Variants in ARHGAP28 observed in about 807,000 individuals in gnomAD.
ARHGAP28 encodes Rho GTPase activating protein 28, also known as rho GTPase-activating protein 28.
ARHGAP28 carries 56 observed loss-of-function variants against 90.7 expected under a neutral mutation model. The observed-to-expected ratio is 0.62, with a 90% CI of 0.50 to 0.77. ARHGAP28 has a LOEUF of 0.77. Ranked by LOEUF, ARHGAP28 falls within the 30% of genes least tolerant of loss-of-function variation. The pLI, the probability that ARHGAP28 is intolerant of heterozygous loss-of-function variation, is 0.00. For synonymous variants in ARHGAP28, 308 were observed against 323.3 expected, an observed-to-expected ratio of 0.95 and a Z score of 0.51; for missense variants, 869 against 900.9, an observed-to-expected ratio of 0.96 and a Z score of 0.45.
chr18:6,821,694 G>A (rs1361532459), intron 1 of ARHGAP28, among the ~76,000 whole-genome samples: 1 of 152,158 alleles, frequency 6.6e-6, no homozygotes, highest in East Asian at 1.9e-4. Flanking sequence ...TGTGATTAAA[G>A]GATTCTTTGG....
intron 5 of ARHGAP28, among the ~76,000 whole-genome samples, chr18:6,863,300 T>C (rs896914389): frequency 1.3e-5 from 2 of 152,018 alleles, no homozygotes; most frequent in Non-Finnish European, 2.9e-5. Context: ...GTTTAAATTA[T>C]ATCAAATGAT....
chr18:6,904,418 T>C (rs1326158615), intron 16 of ARHGAP28, among the ~76,000 whole-genome samples: 4 of 151,926 alleles, frequency 2.6e-5, no homozygotes, highest in Non-Finnish European at 5.9e-5. Flanking sequence ...AAATAAAATT[T>C]AAAAAATAAA....
At chr18:6,867,668 CTG>C (rs1461915211) in intron 5 of ARHGAP28, among the ~76,000 whole-genome samples, 4 of 152,072 alleles carry the variant, frequency 2.6e-5, no homozygotes, top group African/African-American at 9.7e-5. Flanking sequence ...TACTATCACT[CTG>C]TGTTTTGCTG....
At chr18:6,731,496 C>T (rs773300892) in intron 1 of ARHGAP28, among the ~76,000 whole-genome samples, 33 of 152,240 alleles carry the variant, frequency 2.2e-4, no homozygotes, top group Non-Finnish European at 2.4e-4. Context: ...AGCATGTGGT[C>T]TTGTGGAATG....
intron 3 of ARHGAP28, among the ~76,000 whole-genome samples, chr18:6,845,203 C>CT (rs2056857074): frequency 6.6e-6 from 1 of 152,132 alleles, no homozygotes; most frequent in African/African-American, 2.4e-5. Flanking sequence ...CTCAGCCACC[C>CT]TGGTAGCTGG....
At chr18:6,738,943 G>C (rs1456858496) in intron 1 of ARHGAP28, among the ~76,000 whole-genome samples, 2 of 152,166 alleles carry the variant, frequency 1.3e-5, no homozygotes, top group African/African-American at 4.8e-5. Context: ...CTGTGGTCCT[G>C]CGATGTTGAT....
At chr18:6,772,936 T>C (rs1347386947) in intron 1 of ARHGAP28, among the ~76,000 whole-genome samples, 1 of 152,078 alleles carries the variant, frequency 6.6e-6, no homozygotes, top group African/African-American at 2.4e-5. Flanking sequence ...AGATGGGTTT[T>C]CACCATGTTG....
At chr18:6,742,228 G>A (rs1424963117) in intron 1 of ARHGAP28, among the ~76,000 whole-genome samples, 5 of 148,708 alleles carry the variant, frequency 3.4e-5, no homozygotes, top group Non-Finnish European at 7.4e-5. Context: ...GTTCAGTGGT[G>A]TGATCTTGGC....
chr18:6,886,179 TCAC>T (rs1201052629), intron 11 of ARHGAP28, among the ~76,000 whole-genome samples: 1 of 152,128 alleles, frequency 6.6e-6, no homozygotes, highest in Non-Finnish European at 1.5e-5. Context: ...TCAGTTAACT[TCAC>T]CAGCAGCTGA....
chr18:6,865,216 G>T (rs925023289), intron 5 of ARHGAP28, among the ~76,000 whole-genome samples: 1 of 152,096 alleles, frequency 6.6e-6, no homozygotes, highest in Non-Finnish European at 1.5e-5. Context: ...TATTCTCATG[G>T]ATATTTGGTA....
chr18:6,768,317 T>C (rs2056215912), intron 1 of ARHGAP28, among the ~76,000 whole-genome samples: 1 of 152,212 alleles, frequency 6.6e-6, no homozygotes, highest in South Asian at 2.1e-4. Flanking sequence ...TTTGCATATA[T>C]GTAGTTTTTT....
chr18:6,771,118 C>A (rs2056239490), intron 1 of ARHGAP28, among the ~76,000 whole-genome samples: 1 of 152,022 alleles, frequency 6.6e-6, no homozygotes. Context: ...CTCACTGCAG[C>A]CTTGTTCTCC....
At chr18:6,883,727 T>C (rs1400741580) in intron 11 of ARHGAP28, among the ~76,000 whole-genome samples, 4 of 152,166 alleles carry the variant, frequency 2.6e-5, no homozygotes, top group African/African-American at 9.7e-5. Context: ...TCTTTGAATG[T>C]TTTAACTAAA....
At chr18:6,841,543 A>G (rs575430252) in intron 3 of ARHGAP28, among the ~76,000 whole-genome samples, 14 of 151,914 alleles carry the variant, frequency 9.2e-5, no homozygotes, top group Admixed American at 8.5e-4. Flanking sequence ...TTATCTATAA[A>G]TTCAGTAATT....
intron 16 of ARHGAP28, among the ~76,000 whole-genome samples, chr18:6,902,548 A>G (rs8088590): frequency 0.015 from 2,318 of 152,322 alleles, 52 homozygotes; most frequent in African/African-American, 0.054. Flanking sequence ...AATGAAATCT[A>G]TGCATACATC....
chr18:6,739,055 T>C (rs2055952780), intron 1 of ARHGAP28, among the ~76,000 whole-genome samples: 2 of 152,202 alleles, frequency 1.3e-5, no homozygotes, highest in South Asian at 4.1e-4. Flanking sequence ...TAAAACTGTT[T>C]TGTGACACAG....
At chr18:6,887,903 T>C (rs916009834) in intron 12 of ARHGAP28, among the ~76,000 whole-genome samples, 3 of 152,222 alleles carry the variant, frequency 2.0e-5, no homozygotes, top group Non-Finnish European at 1.5e-5. Context: ...GATTCTATAA[T>C]TGCTGGTCCT....
chr18:6,875,446 A>G (rs528366548), intron 9 of ARHGAP28, among the ~76,000 whole-genome samples: 1 of 152,244 alleles, frequency 6.6e-6, no homozygotes, highest in East Asian at 1.9e-4. Context: ...TACTGGGTGA[A>G]CTTGGCCAAG....
At chr18:6,894,751 A>G (rs1311035048) in intron 14 of ARHGAP28, 84 bp from the exon 15 acceptor site, 3 of 1,134,424 alleles carry the variant, frequency 2.6e-6, no homozygotes, top group African/African-American at 1.6e-5. Context: ...AATGTTCTCC[A>G]TAAAGATTGT....
Sources: gnomAD v4.1 joint callset for allele counts (sites outside exome capture counted in the v4.1 genomes callset) on GRCh38, gnomAD v4.1.1 for gene constraint, MANE v1.5 for transcripts, NCBI Gene and HGNC (gene_info 2026-07-23, HGNC 2026-07-21) for gene names.